The following SPAG16 variants were observed in gnomAD, a reference collection of about 807,000 sequenced individuals.
The protein encoded by SPAG16 is sperm associated antigen 16.
Under a neutral mutation model 80.4 loss-of-function variants are expected in SPAG16, and 86 were observed. The observed-to-expected ratio is 1.07, with a 90% CI of 0.90 to 1.28. SPAG16 has a LOEUF of 1.28. Among genes scored for constraint, SPAG16 ranks in the 50% most tolerant of loss-of-function variants. The pLI is 0.00. For missense variants in SPAG16, 870 were observed against 765.3 expected (o/e 1.14, Z -1.61); for synonymous variants, 294 against 265.9 (o/e 1.11, Z -1.03).
chr2:214,277,266 C>T (rs546187276), intron 15 of SPAG16, among the ~76,000 whole-genome samples: 2 of 151,950 alleles, frequency 1.3e-5, no homozygotes, highest in East Asian at 1.9e-4. Flanking sequence ...TTGTTATTAC[C>T]GACCTTCTGA....
intron 12 of SPAG16, among the ~76,000 whole-genome samples, chr2:213,979,557 T>C (rs919904293): frequency 6.6e-6 from 1 of 152,006 alleles, no homozygotes; most frequent in Non-Finnish European, 1.5e-5. Flanking sequence ...AGTGCAAGCA[T>C]GGGAAATGCC....
At chr2:213,375,970 A>G (rs1363260383) in intron 9 of SPAG16, among the ~76,000 whole-genome samples, 1 of 150,034 alleles carries the variant, frequency 6.7e-6, no homozygotes, top group African/African-American at 2.4e-5. Flanking sequence ...AATATAAAAT[A>G]TAAAATTTAT....
chr2:213,330,317 G>T (rs1474374909), intron 5 of SPAG16, among the ~76,000 whole-genome samples: 1 of 150,222 alleles, frequency 6.7e-6, no homozygotes, highest in Non-Finnish European at 1.5e-5. Flanking sequence ...AGGAGGGAGG[G>T]TGTACCTTGT....
chr2:213,885,563 TG>T (rs1393616090), intron 11 of SPAG16, among the ~76,000 whole-genome samples: 1 of 152,216 alleles, frequency 6.6e-6, no homozygotes, highest in African/African-American at 2.4e-5. Flanking sequence ...CATTTATAAC[TG>T]GTTTTCATTT....
intron 10 of SPAG16, among the ~76,000 whole-genome samples, chr2:213,759,556 A>G (rs2068535983): frequency 6.6e-6 from 1 of 152,136 alleles, no homozygotes; most frequent in African/African-American, 2.4e-5. Flanking sequence ...TGGTGGTACA[A>G]ATTTAAATTA....
intron 10 of SPAG16, among the ~76,000 whole-genome samples, chr2:213,507,747 G>C (rs1258200121): frequency 2.0e-5 from 3 of 152,180 alleles, no homozygotes; most frequent in African/African-American, 7.2e-5. Context: ...TTTGTTGACA[G>C]GATGATTCGA....
At chr2:213,382,201 T>A (rs1381195831) in intron 9 of SPAG16, among the ~76,000 whole-genome samples, 3 of 152,238 alleles carry the variant, frequency 2.0e-5, no homozygotes. Flanking sequence ...TGATGTTCTC[T>A]AGCACAATTT....
In SPAG16 at chr2:214,108,479, A is replaced by ACAC. The variant is rs71409874; in HGVS notation, c.1593+219_1593+220insACC. On this transcript the variant is annotated intron_variant, in intron 14 of 15. Coordinates refer to ENST00000331683, the MANE Select transcript of SPAG16 (RefSeq NM_024532.5). Reference sequence around the variant, plus strand: ...CACACACACACACACACACACACACACCCCCACACACACCCCAAGTCGTAG... The same window carrying ACAC: ...CACACACACACACACACACACACACACACCCCCCACACACACCCCAAGTCGTAG... 8.1e-3 allele frequency among the ~76,000 whole-genome samples: 425 copies of ACAC among 52,380 alleles called. 1 individual carries two copies. Among genetic ancestry groups the ACAC allele is most frequent in the African/African-American group, 0.018 (197 of 11,228 alleles). 34.4% of individuals were successfully genotyped at this position (52,380 alleles called of 152,430 possible). A position where few individuals can be genotyped will look rare whatever the true frequency, so the allele number is the denominator to read the frequency against.
At chr2:213,741,150 T>G (rs2067533243) in intron 10 of SPAG16, among the ~76,000 whole-genome samples, 1 of 152,074 alleles carries the variant, frequency 6.6e-6, no homozygotes. Flanking sequence ...TTATTAAAGG[T>G]AAGGGTAAAG....
chr2:213,322,680 A>G (rs1276198253), intron 5 of SPAG16, among the ~76,000 whole-genome samples: 2 of 152,172 alleles, frequency 1.3e-5, no homozygotes, highest in Non-Finnish European at 2.9e-5. Context: ...ATTGACAAAT[A>G]CAACATATAT....
chr2:213,317,088 TA>T, intron 4 of SPAG16, 130 bp from the exon 5 acceptor site: 4 of 521,512 alleles, frequency 7.7e-6, no homozygotes, highest in Non-Finnish European at 1.4e-5. Context: ...TTGGACATTT[TA>T]ACTTATAAAT....
intron 10 of SPAG16, among the ~76,000 whole-genome samples, chr2:213,555,953 G>A (rs1046939904): frequency 4.6e-5 from 7 of 151,968 alleles, no homozygotes; most frequent in African/African-American, 9.7e-5. Context: ...ATAAAATGGG[G>A]GGTGGAATGA....
intron 12 of SPAG16, among the ~76,000 whole-genome samples, chr2:213,933,340 G>A (rs143387723): frequency 5.9e-5 from 9 of 152,290 alleles, no homozygotes; most frequent in African/African-American, 2.2e-4. Context: ...CCTTCAATGA[G>A]ATTACAAGTA....
intron 15 of SPAG16, among the ~76,000 whole-genome samples, chr2:214,166,676 C>T (rs2056669336): frequency 6.6e-6 from 1 of 152,148 alleles, no homozygotes; most frequent in Admixed American, 6.6e-5. Flanking sequence ...TGAGAGTGGG[C>T]TCTTTGTTTC....
At chr2:213,808,376 T>A (rs2071904783) in intron 10 of SPAG16, among the ~76,000 whole-genome samples, 1 of 152,124 alleles carries the variant, frequency 6.6e-6, no homozygotes, top group Non-Finnish European at 1.5e-5. Context: ...GAACATTTAC[T>A]GGAAAACACA....
intron 12 of SPAG16, among the ~76,000 whole-genome samples, chr2:213,944,924 G>A (rs12613125): frequency 0.22 from 32,928 of 151,928 alleles, 4,544 homozygotes; most frequent in East Asian, 0.45. Context: ...TGTAATCCCA[G>A]CTACTTGGGA....
chr2:213,932,633 T>C (rs2078816174), intron 12 of SPAG16, among the ~76,000 whole-genome samples: 1 of 152,198 alleles, frequency 6.6e-6, no homozygotes, highest in African/African-American at 2.4e-5. Flanking sequence ...GGCTCAGTCT[T>C]GAACAGCCTT....
chr2:213,661,900 T>C (rs1423113720), intron 10 of SPAG16, among the ~76,000 whole-genome samples: 1 of 152,186 alleles, frequency 6.6e-6, no homozygotes, highest in Non-Finnish European at 1.5e-5. Flanking sequence ...TATAGAAGTA[T>C]ATATACCATC....
intron 10 of SPAG16, among the ~76,000 whole-genome samples, chr2:213,764,301 T>C (rs1464197829): frequency 6.6e-6 from 1 of 152,160 alleles, no homozygotes; most frequent in Non-Finnish European, 1.5e-5. Flanking sequence ...TTTTTTTCTT[T>C]TTTCATTTGT....
Sources: gnomAD v4.1 joint callset for allele counts (sites outside exome capture counted in the v4.1 genomes callset) on GRCh38, gnomAD v4.1.1 for gene constraint, MANE v1.5 for transcripts, NCBI Gene and HGNC (gene_info 2026-07-23, HGNC 2026-07-21) for gene names.